BCL9: variants seen among roughly 807,000 people sequenced by gnomAD.
The protein encoded by BCL9 is B-cell CLL/lymphoma 9 protein.
Under a neutral mutation model 88.5 loss-of-function variants are expected in BCL9, and 25 were observed. That is an observed-to-expected ratio of 0.28 (90% CI 0.21 to 0.39). The LOEUF is 0.39. Among genes scored for constraint, BCL9 ranks in the 10% least tolerant of loss-of-function variants. BCL9 has a pLI of 1.00. For synonymous variants in BCL9, 711 were observed against 673.3 expected (o/e 1.06, Z -0.87); for missense variants, 1,817 against 1,877.8 (o/e 0.97, Z 0.60).
At position 147,579,654 on chromosome 1, in the gene BCL9, G is replaced by C. The variant is rs370402096; in HGVS notation, c.-477-25123G>C. Among the ~76,000 whole-genome samples, 37 of 152,304 alleles carry C rather than the reference G, an allele frequency of 2.4e-4. 1 individual carries two copies. The highest frequency in any genetic ancestry group is 3.4e-3 in the Middle Eastern group (1 of 294). ...TGCCTTTTTAAGTAAATGTGTTTAT[G>C]GTTTGTGCTGCTTTCCTCAGTAAGA... On this transcript the variant is annotated intron_variant, in intron 1 of 9. Transcript: ENST00000234739.
chr1:147,567,292 T>C (rs1553196841), intron 1 of BCL9, among the ~76,000 whole-genome samples: 1 of 152,160 alleles, frequency 6.6e-6, no homozygotes, highest in Non-Finnish European at 1.5e-5. Flanking sequence ...CAAGTGAAAT[T>C]TTTCAGAAGA....
At chr1:147,590,757 C>T (rs985713766) in intron 1 of BCL9, among the ~76,000 whole-genome samples, 1 of 152,200 alleles carries the variant, frequency 6.6e-6, no homozygotes, top group Non-Finnish European at 1.5e-5. Context: ...TTACATAATA[C>T]ATGCAAAGCC....
intron 1 of BCL9, among the ~76,000 whole-genome samples, chr1:147,567,562 A>G (rs1570833562): frequency 3.9e-5 from 6 of 152,328 alleles, no homozygotes; most frequent in Admixed American, 3.9e-4. Flanking sequence ...AAAATATTTC[A>G]CTTATGAAAA....
chr1:147,623,688 AT>A (rs1200489953), intron 9 of BCL9, among the ~76,000 whole-genome samples, 153 bp from the exon 10 acceptor site: 2 of 152,212 alleles, frequency 1.3e-5, no homozygotes, highest in Admixed American at 1.3e-4. Context: ...CAGATGTATT[AT>A]GATCTTATTG....
intron 1 of BCL9, among the ~76,000 whole-genome samples, chr1:147,556,242 C>T (rs1655101853): frequency 6.6e-6 from 1 of 151,344 alleles, no homozygotes; most frequent in African/African-American, 2.4e-5. Context: ...CCTCGGCCTC[C>T]TGAGTAGCTG....
chr1:147,585,802 G>A (rs1656573075), intron 1 of BCL9, among the ~76,000 whole-genome samples: 1 of 152,156 alleles, frequency 6.6e-6, no homozygotes, highest in Admixed American at 6.5e-5. Flanking sequence ...GCTCTTCGCA[G>A]CACTCCCAAG....
chr1:147,569,892 G>A (rs1230718209), intron 1 of BCL9, among the ~76,000 whole-genome samples: 1 of 152,064 alleles, frequency 6.6e-6, no homozygotes, highest in Non-Finnish European at 1.5e-5. Context: ...TCAGGTTTCT[G>A]GCTTAGGCAT....
At chr1:147,586,967 T>C (rs1221627431) in intron 1 of BCL9, among the ~76,000 whole-genome samples, 2 of 152,102 alleles carry the variant, frequency 1.3e-5, no homozygotes, top group Non-Finnish European at 2.9e-5. Flanking sequence ...GAAATGGTTC[T>C]CAGCATAGGC....
intron 7 of BCL9, among the ~76,000 whole-genome samples, chr1:147,616,654 C>G (rs1452528874): frequency 6.6e-6 from 1 of 151,932 alleles, no homozygotes; most frequent in African/African-American, 2.4e-5. Context: ...GTAGTCCAAG[C>G]TACTTGGGAG....
chr1:147,611,315 T>C (rs583583), intron 3 of BCL9, among the ~76,000 whole-genome samples: 107,838 of 152,036 alleles, frequency 0.71, 38,366 homozygotes, highest in African/African-American at 0.76. Context: ...AACTGCCTTT[T>C]TCACCTGCTC....
chr1:147,579,717 G>A (rs1335003408), intron 1 of BCL9, among the ~76,000 whole-genome samples: 2 of 152,262 alleles, frequency 1.3e-5, no homozygotes, highest in Admixed American at 1.3e-4. Flanking sequence ...TGTGTGATAT[G>A]GTTGAAATCC....
intron 1 of BCL9, among the ~76,000 whole-genome samples, chr1:147,594,082 C>T (rs1553200236): frequency 6.6e-6 from 1 of 152,118 alleles, no homozygotes; most frequent in African/African-American, 2.4e-5. Context: ...TAGAGGGGCC[C>T]TCATTGGGCT....
rs587666195 is a variant in BCL9, at chr1:147,599,025, C to T, written c.-477-5752C>T. On this transcript the variant is annotated intron_variant, in intron 1 of 9. Transcript: ENST00000234739. ...CGCCGGGATACTCAGGCTTTGACCCCTTCAGAGCAGAGGTCTTCCGAAAAA... is the reference window on the plus strand; with the variant it reads ...CGCCGGGATACTCAGGCTTTGACCCTTTCAGAGCAGAGGTCTTCCGAAAAA... 2.0e-5 allele frequency among the ~76,000 whole-genome samples: 3 copies of T among 152,346 alleles called. No individual in the cohort carries two copies. In the South Asian group the frequency reaches 6.2e-4, roughly 32 times the overall value.
intron 5 of BCL9, 85 bp downstream of exon 5, chr1:147,613,284 C>A: frequency 1.4e-6 from 2 of 1,392,906 alleles, no homozygotes; most frequent in Non-Finnish European, 2.0e-6. Context: ...GCCAGAGAGC[C>A]TAATATCAGA....
At chr1:147,573,144 T>C (rs1223803385) in intron 1 of BCL9, among the ~76,000 whole-genome samples, 2 of 152,150 alleles carry the variant, frequency 1.3e-5, no homozygotes, top group Admixed American at 1.3e-4. Context: ...TAATAATTGA[T>C]GAATATTGTT....
At chr1:147,555,055 T>C (rs1425236281) in intron 1 of BCL9, among the ~76,000 whole-genome samples, 2 of 152,204 alleles carry the variant, frequency 1.3e-5, no homozygotes, top group African/African-American at 4.8e-5. Flanking sequence ...TTTGCACTCA[T>C]TTTTATTAAT....
At chr1:147,567,419 A>T (rs186730679) in intron 1 of BCL9, among the ~76,000 whole-genome samples, 87 of 152,348 alleles carry the variant, frequency 5.7e-4, no homozygotes, top group African/African-American at 1.9e-3. Context: ...ACAATTGTAG[A>T]TAACTTATTT....
At chr1:147,572,817 T>G (rs1655943845) in intron 1 of BCL9, among the ~76,000 whole-genome samples, 1 of 152,210 alleles carries the variant, frequency 6.6e-6, no homozygotes, top group Non-Finnish European at 1.5e-5. Context: ...TGGCCTCAAG[T>G]GACCCACCCA....
In BCL9 at chr1:147,557,540, C is replaced by T. The variant is rs782394638; in HGVS notation, c.-478+15866C>T. On this transcript the variant is annotated intron_variant, in intron 1 of 9. Coordinates refer to ENST00000234739, the MANE Select transcript of BCL9 (RefSeq NM_004326.4). ...AAGATAAGGGTAGAGGCTTGGTGAT[C>T]GCAGGGATATCCTCCTTCCTAAGAT... Among the ~76,000 whole-genome samples, 4 of 152,086 alleles carry T rather than the reference C, an allele frequency of 2.6e-5. No individual in the cohort carries two copies. In the East Asian group the frequency reaches 5.8e-4, roughly 22 times the overall value.
Sources: gnomAD v4.1 joint callset for allele counts (sites outside exome capture counted in the v4.1 genomes callset) on GRCh38, gnomAD v4.1.1 for gene constraint, MANE v1.5 for transcripts, NCBI Gene and HGNC (gene_info 2026-07-23, HGNC 2026-07-21) for gene names.